Variants in NT5DC1 observed in about 807,000 individuals in gnomAD.
NT5DC1 encodes 5'-nucleotidase domain containing 1, also known as 5'-nucleotidase domain-containing protein 1.
Under a neutral mutation model 59.4 loss-of-function variants are expected in NT5DC1, and 42 were observed. The ratio of observed to expected loss-of-function variants is 0.71; its 90% CI spans 0.55 to 0.92. NT5DC1 has a LOEUF of 0.92. Ranked by LOEUF, NT5DC1 falls within the 40% of genes least tolerant of loss-of-function variation. NT5DC1 has a pLI of 0.00. For synonymous variants in NT5DC1, 172 were observed against 188.1 expected (o/e 0.91, Z 0.70); for missense variants, 501 against 537.1 (o/e 0.93, Z 0.66).
At chr6:116,121,758 T>G (rs1399599495) in intron 6 of NT5DC1, 1 of 1,613,584 alleles carries the variant, frequency 6.2e-7, no homozygotes, top group East Asian at 2.2e-5. Flanking sequence ...TATGGTCCTC[T>G]CTCTCCTGGT....
chr6:116,206,138 C>T (rs1254825190), intron 6 of NT5DC1, among the ~76,000 whole-genome samples: 1 of 151,948 alleles, frequency 6.6e-6, no homozygotes, highest in African/African-American at 2.4e-5. Context: ...AGGTAAGTAG[C>T]ATTTTGATAA....
intron 6 of NT5DC1, among the ~76,000 whole-genome samples, chr6:116,132,673 T>A (rs1055568665): frequency 6.6e-6 from 1 of 152,188 alleles, no homozygotes; most frequent in Admixed American, 6.6e-5. Context: ...TGTGACAAGC[T>A]GTTGGCGAGA....
rs1161571454 is a variant in NT5DC1 at position 116,120,375 on chromosome 6, G to C, written c.529+2430G>C. The C allele has an allele frequency of 1.9e-6, 3 of 1,614,206 alleles. No homozygotes were observed. In the African/African-American group the frequency reaches 4.0e-5, roughly 22 times the overall value. On this transcript the variant is annotated intron_variant, in intron 6 of 11. Transcript: ENST00000319550. ...AAGATTCCAGTCCTTGGGTCATAATGCTGTTGCCTGTTATACAAAATTTTA... is the reference window on the plus strand; with the variant it reads ...AAGATTCCAGTCCTTGGGTCATAATCCTGTTGCCTGTTATACAAAATTTTA...
chr6:116,190,096 A>G (rs758557551), intron 6 of NT5DC1, among the ~76,000 whole-genome samples: 1 of 151,952 alleles, frequency 6.6e-6, no homozygotes, highest in Non-Finnish European at 1.5e-5. Flanking sequence ...AGCAATATCT[A>G]TCACAGAGCT....
At chr6:116,173,016 T>C (rs1196005289) in intron 6 of NT5DC1, among the ~76,000 whole-genome samples, 1 of 152,226 alleles carries the variant, frequency 6.6e-6, no homozygotes, top group Non-Finnish European at 1.5e-5. Flanking sequence ...ATCAGAGGAA[T>C]ACAATTCACA....
In NT5DC1 at chr6:116,205,195, A is replaced by T. The variant is rs191855474; in HGVS notation, c.530-15859A>T. Among the ~76,000 whole-genome samples the T allele has an allele frequency of 5.1e-3, 774 of 152,084 alleles. 7 individuals carry two copies. Among genetic ancestry groups the T allele is most frequent in the African/African-American group, 0.017 (716 of 41,528 alleles). ...GACAGAAACTAAAAACCATGTCTTC[A>T]GGCTGCTAAAAGCCTAAAACAAAAC... On this transcript the variant is annotated intron_variant, in intron 6 of 11. Transcript: ENST00000319550.
At chr6:116,229,079 T>A (rs1781960175) in intron 8 of NT5DC1, among the ~76,000 whole-genome samples, 1 of 152,186 alleles carries the variant, frequency 6.6e-6, no homozygotes, top group Non-Finnish European at 1.5e-5. Context: ...AACAGCTCAT[T>A]AAATCCCCAT....
intron 1 of NT5DC1, among the ~76,000 whole-genome samples, chr6:116,104,684 C>A (rs1413320742): frequency 6.6e-6 from 1 of 152,128 alleles, no homozygotes; most frequent in Non-Finnish European, 1.5e-5. Flanking sequence ...ATAGCAAATA[C>A]TTAAATTGGA....
intron 6 of NT5DC1, among the ~76,000 whole-genome samples, chr6:116,190,529 A>G (rs1022814548): frequency 6.6e-6 from 1 of 152,000 alleles, no homozygotes; most frequent in Non-Finnish European, 1.5e-5. Flanking sequence ...CCCACCTCCC[A>G]TCACATTAGT....
At chr6:116,144,128 GGATATTCT>G (rs1334916779) in intron 6 of NT5DC1, among the ~76,000 whole-genome samples, 2 of 152,026 alleles carry the variant, frequency 1.3e-5, no homozygotes, top group Non-Finnish European at 2.9e-5. Context: ...TCAGATATTT[GGATATTCT>G]GGGGATTTAT....
rs201737018 is a variant in NT5DC1 at position 116,121,549 on chromosome 6, C to T, written c.529+3604C>T. The stretch of plus-strand genomic sequence containing the variant: ...GACCAGGAGCACCATATCCCATTTC[C>T]CCTTTCTGTCCATTCATACCAGGGA... On this transcript the variant is annotated intron_variant, in intron 6 of 11. Coordinates refer to ENST00000319550, the MANE Select transcript of NT5DC1 (RefSeq NM_152729.3). 61 of 1,613,988 alleles carry T rather than the reference C, an allele frequency of 3.8e-5. No individual in the cohort carries two copies. The highest frequency in any genetic ancestry group is 5.0e-5 in the Non-Finnish European group (59 of 1,180,026).
In NT5DC1 at chr6:116,188,439, T is replaced by A. The variant is rs145647412; in HGVS notation, c.530-32615T>A. On this transcript the variant is annotated intron_variant, in intron 6 of 11. Coordinates refer to ENST00000319550, the MANE Select transcript of NT5DC1 (RefSeq NM_152729.3). ...AGTGCAGTTGCTATGCAGTGTGTCATACAGTGACATTCTATTCATCAATGA... is the reference window on the plus strand; with the variant it reads ...AGTGCAGTTGCTATGCAGTGTGTCAAACAGTGACATTCTATTCATCAATGA... Among the ~76,000 whole-genome samples the A allele has an allele frequency of 1.2e-4, 19 of 152,160 alleles. No individual in the cohort carries two copies. In the East Asian group the frequency reaches 3.5e-3, roughly 28 times the overall value.
intron 6 of NT5DC1, among the ~76,000 whole-genome samples, chr6:116,161,519 G>T (rs965724120): frequency 7.2e-5 from 11 of 151,820 alleles, no homozygotes; most frequent in Non-Finnish European, 8.8e-5. Flanking sequence ...GTTTATTTTT[G>T]TTGACTTTGT....
Position 116,234,419 on chromosome 6 carries a change from A to T in NT5DC1, c.803-2547A>T, listed in dbSNP as rs185493237. On this transcript the variant is annotated intron_variant, in intron 8 of 11. Coordinates refer to ENST00000319550, the MANE Select transcript of NT5DC1 (RefSeq NM_152729.3). ...GTGGTGACATGATCTCGGCTCACTGAAACCTCTTTCTCCGGGCTGAAGCTA... is the reference window on the plus strand; with the variant it reads ...GTGGTGACATGATCTCGGCTCACTGTAACCTCTTTCTCCGGGCTGAAGCTA... Among the ~76,000 whole-genome samples the T allele has an allele frequency of 9.3e-4, 142 of 151,972 alleles. 1 individual carries two copies. Among genetic ancestry groups the T allele is most frequent in the African/African-American group, 3.3e-3 (138 of 41,424 alleles).
At chr6:116,185,113 T>C (rs1290930119) in intron 6 of NT5DC1, among the ~76,000 whole-genome samples, 1 of 152,142 alleles carries the variant, frequency 6.6e-6, no homozygotes, top group East Asian at 1.9e-4. Flanking sequence ...TTGAGTTCAT[T>C]GTTGATCCAA....
chr6:116,164,559 C>T (rs9488857), intron 6 of NT5DC1, among the ~76,000 whole-genome samples: 77,447 of 151,962 alleles, frequency 0.51, 20,832 homozygotes, highest in African/African-American at 0.69. Context: ...CTATCTCTTT[C>T]AAGTATTTAT....
intron 6 of NT5DC1, among the ~76,000 whole-genome samples, chr6:116,206,134 G>A (rs1463433955): frequency 1.3e-5 from 2 of 151,990 alleles, no homozygotes; most frequent in Admixed American, 6.6e-5. Flanking sequence ...TTGAAGGTAA[G>A]TAGCATTTTG....
intron 6 of NT5DC1, among the ~76,000 whole-genome samples, chr6:116,208,068 A>G (rs1201455951): frequency 6.6e-6 from 1 of 151,980 alleles, no homozygotes; most frequent in African/African-American, 2.4e-5. Context: ...TTCAGTCCTC[A>G]GTGTGGGGCA....
At chr6:116,234,965 A>G (rs756220344) in intron 8 of NT5DC1, among the ~76,000 whole-genome samples, 4 of 150,902 alleles carry the variant, frequency 2.7e-5, no homozygotes, top group Non-Finnish European at 5.9e-5. Context: ...AGCCTCCAGT[A>G]TAGGGGCTGG....
Sources: gnomAD v4.1 joint callset for allele counts (sites outside exome capture counted in the v4.1 genomes callset) on GRCh38, gnomAD v4.1.1 for gene constraint, MANE v1.5 for transcripts, NCBI Gene and HGNC (gene_info 2026-07-23, HGNC 2026-07-21) for gene names.